GHR: variants seen among roughly 807,000 people sequenced by gnomAD.
GHR encodes growth hormone receptor.
Under a neutral mutation model 67.1 loss-of-function variants are expected in GHR, and 35 were observed. That is an observed-to-expected ratio of 0.52 (90% confidence interval 0.40 to 0.69). The LOEUF (loss-of-function observed/expected upper bound fraction) is 0.69, where lower values mean the gene tolerates loss of function less well. Among genes scored for constraint, GHR ranks in the 30% least tolerant of loss-of-function variants. The pLI, the probability that GHR is intolerant of heterozygous loss-of-function variation, is 0.00. For missense variants in GHR, 792 were observed against 764.6 expected, an observed-to-expected ratio of 1.04 and a Z score of -0.42; for synonymous variants, 272 against 269.1, an observed-to-expected ratio of 1.01 and a Z score of -0.10.
chr5:42,519,487 G>A (rs1437053351), intron 1 of GHR, among the ~76,000 whole-genome samples: 1 of 151,360 alleles, frequency 6.6e-6, no homozygotes, highest in Non-Finnish European at 1.5e-5. Flanking sequence ...ACACAATCAG[G>A]GCACACATAA....
chr5:42,525,576 T>G (rs185237838), intron 1 of GHR, among the ~76,000 whole-genome samples: 1 of 152,310 alleles, frequency 6.6e-6, no homozygotes, highest in East Asian at 1.9e-4. Context: ...TTTGGGGGAC[T>G]GCTGAGAAGG....
intron 2 of GHR, among the ~76,000 whole-genome samples, chr5:42,621,677 T>TA (rs1753454958): frequency 6.6e-6 from 1 of 152,220 alleles, no homozygotes; most frequent in Non-Finnish European, 1.5e-5. Flanking sequence ...TGTGCTTTTT[T>TA]AAATGACACT....
chr5:42,508,618 G>C (rs1746877303), intron 1 of GHR, among the ~76,000 whole-genome samples: 1 of 152,202 alleles, frequency 6.6e-6, no homozygotes, highest in Admixed American at 6.5e-5. Flanking sequence ...CTGTCGCCCA[G>C]GCTGGAGTGC....
chr5:42,537,617 T>C (rs1228501239), intron 1 of GHR, among the ~76,000 whole-genome samples: 1 of 152,186 alleles, frequency 6.6e-6, no homozygotes, highest in African/African-American at 2.4e-5. Context: ...CACTGTTGAA[T>C]AGAATGTGTA....
At chr5:42,674,123 G>A (rs956462006) in intron 3 of GHR, among the ~76,000 whole-genome samples, 4 of 152,062 alleles carry the variant, frequency 2.6e-5, no homozygotes, top group African/African-American at 4.8e-5. Context: ...CTTCAGCTAA[G>A]TTTCATTTAT....
At chr5:42,545,559 C>T (rs148983809) in intron 1 of GHR, among the ~76,000 whole-genome samples, 1,998 of 152,228 alleles carry the variant, frequency 0.013, 17 homozygotes, top group Middle Eastern at 0.034. Flanking sequence ...GGAAAATGAT[C>T]ATCTTGCAAG....
At chr5:42,618,450 A>G (rs1037309828) in intron 2 of GHR, among the ~76,000 whole-genome samples, 1 of 152,188 alleles carries the variant, frequency 6.6e-6, no homozygotes, top group Non-Finnish European at 1.5e-5. Context: ...ATAAAAGGTC[A>G]GAGAGTAAAC....
At chr5:42,678,923 A>T (rs1756699627) in intron 3 of GHR, among the ~76,000 whole-genome samples, 2 of 149,366 alleles carry the variant, frequency 1.3e-5, no homozygotes, top group African/African-American at 4.9e-5. Flanking sequence ...AGAACATTTT[A>T]AAACATTTAA....
chr5:42,598,098 G>T (rs1453789708), intron 2 of GHR, among the ~76,000 whole-genome samples: 1 of 152,170 alleles, frequency 6.6e-6, no homozygotes, highest in Admixed American at 6.6e-5. Flanking sequence ...TAGCAGTGAG[G>T]TGGAAGGGGA....
intron 3 of GHR, among the ~76,000 whole-genome samples, chr5:42,669,278 A>G (rs572358960): frequency 6.6e-6 from 1 of 152,366 alleles, no homozygotes; most frequent in South Asian, 2.1e-4. Flanking sequence ...TAATGTGCTC[A>G]TCACAAAAGA....
At position 42,517,547 on chromosome 5, in the gene GHR, T is replaced by C. The variant is rs116913772; in HGVS notation, c.-11-48317T>C. Reference sequence around the variant, plus strand: ...GTAACTAAAACATCAGTCCACATGCTTGAAATGTCATCACTTTTTTATGGT... The same window carrying C: ...GTAACTAAAACATCAGTCCACATGCCTGAAATGTCATCACTTTTTTATGGT... On this transcript the variant is annotated intron_variant, in intron 1 of 9. Coordinates refer to ENST00000230882, the MANE Select transcript of GHR (RefSeq NM_000163.5). Among the ~76,000 whole-genome samples, 40 of 152,312 alleles carry C rather than the reference T, an allele frequency of 2.6e-4. No homozygotes were observed. The East Asian group carries it at 5.6e-3, about 21-fold the overall frequency.
chr5:42,437,517 C>A (rs1423664021), intron 1 of GHR, among the ~76,000 whole-genome samples: 2 of 150,052 alleles, frequency 1.3e-5, no homozygotes, highest in African/African-American at 4.9e-5. Flanking sequence ...AGCCTCTCTT[C>A]TTATTATTTT....
intron 3 of GHR, among the ~76,000 whole-genome samples, chr5:42,646,950 T>A (rs966760532): frequency 1.3e-5 from 2 of 152,134 alleles, no homozygotes; most frequent in Non-Finnish European, 2.9e-5. Context: ...AGATCTGAAA[T>A]TGTTGTTCAG....
rs886060641 is a variant in GHR at position 42,718,532 on chromosome 5, G to C, written c.1025G>C (p.Trp342Ser). ...CCCGAATTCCACAGTGATGACTCTT[G>C]GGTTGAATTTATTGAGCTAGATATT... ...YKPEFHSDDSWVEFIELDIDE... is the reference protein window; with the variant it reads ...YKPEFHSDDSSVEFIELDIDE... Residue 342 changes from tryptophan (W) to serine (S), a missense_variant, in exon 10 of 10, where the codon TGG becomes TCG. By Grantham distance (177) the Trp-to-Ser change is radical. Transcript: ENST00000230882. 3 of 1,613,506 alleles carry C rather than the reference G, an allele frequency of 1.9e-6. No homozygotes were observed. Among genetic ancestry groups the C allele is most frequent in the African/African-American group, 1.3e-5 (1 of 74,882 alleles).
rs768271819 is a variant in GHR, at chr5:42,699,965, T to G, written c.581T>G (p.Leu194Arg). 6.2e-7 allele frequency: 1 copy of G among 1,603,550 alleles called. No homozygotes were observed. The highest frequency in any genetic ancestry group is 1.7e-5 in the Admixed American group (1 of 59,868). The change falls in exon 6 of 10, where the codon CTT becomes CGT. Residue 194 changes from leucine to arginine, a missense_variant. Transcript: ENST00000230882. ...QKGWMVLEYE[L>R]QYKEVNETKW... Reference sequence around the variant, plus strand: ...GGATGGATGGTTCTGGAGTATGAACTTCAATACAAAGAAGTAAATGAAACT... The same window carrying G: ...GGATGGATGGTTCTGGAGTATGAACGTCAATACAAAGAAGTAAATGAAACT...
At chr5:42,461,294 T>G (rs1483457998) in intron 1 of GHR, among the ~76,000 whole-genome samples, 1 of 152,196 alleles carries the variant, frequency 6.6e-6, no homozygotes, top group East Asian at 1.9e-4. Flanking sequence ...CCTCATTATT[T>G]CATTCATTAT....
At position 42,718,478 on chromosome 5, in the gene GHR, C is replaced by A; in HGVS notation, c.971C>A (p.Thr324Lys). The A allele has an allele frequency of 6.2e-7, 1 of 1,610,436 alleles. No homozygotes were observed. Among genetic ancestry groups the A allele is most frequent in the Non-Finnish European group, 8.5e-7 (1 of 1,176,736 alleles). The change falls in exon 10 of 10, where the codon ACA becomes AAA. Residue 324 changes from threonine to lysine, a missense_variant. Transcript: ENST00000230882. ...LKEGKLEEVN[T>K]ILAIHDSYKP... ...GAAGGAAAATTAGAGGAGGTGAACA[C>A]AATCTTAGCCATTCATGATAGCTAT...
chr5:42,427,979 A>G (rs1437565527), intron 1 of GHR, among the ~76,000 whole-genome samples: 1 of 152,176 alleles, frequency 6.6e-6, no homozygotes, highest in African/African-American at 2.4e-5. Context: ...GTCAGCCCCT[A>G]CCATTGGGGG....
chr5:42,517,837 A>G (rs1350501384), intron 1 of GHR, among the ~76,000 whole-genome samples: 1 of 150,844 alleles, frequency 6.6e-6, no homozygotes, highest in South Asian at 2.1e-4. Flanking sequence ...GTTGTCTTGT[A>G]TTACAAAAGC....
Sources: gnomAD v4.1 joint callset for allele counts (sites outside exome capture counted in the v4.1 genomes callset) on GRCh38, gnomAD v4.1.1 for gene constraint, MANE v1.5 for transcripts, NCBI Gene and HGNC (gene_info 2026-07-23, HGNC 2026-07-21) for gene names.